NEMP2: variants seen among roughly 807,000 people sequenced by gnomAD.
The protein encoded by NEMP2 is nuclear envelope integral membrane protein 2, also known as UPF0571 transmembrane protein.
NEMP2 carries 53 observed loss-of-function variants against 54.2 expected under a neutral mutation model. That is an observed-to-expected ratio of 0.98 (90% CI 0.78 to 1.23). The LOEUF (loss-of-function observed/expected upper bound fraction) is 1.23. Among genes scored for constraint, NEMP2 ranks in the 50% most tolerant of loss-of-function variants. The probability of loss-of-function intolerance (pLI) is 0.00; values close to 1 mark genes in which losing one functional copy is unlikely to be tolerated. For missense variants in NEMP2, 455 were observed against 511.3 expected, an observed-to-expected ratio of 0.89 and a Z score of 1.06; for synonymous variants, 197 against 190.3, an observed-to-expected ratio of 1.04 and a Z score of -0.29.
the NEMP2 span, among the ~76,000 whole-genome samples, chr2:190,594,725 AC>A: frequency 6.6e-6 from 1 of 152,166 alleles, no homozygotes; most frequent in Admixed American, 6.5e-5. The surrounding 1 kb of genome is among the most constrained non-coding windows in gnomAD (Gnocchi z 5.6). Context: ...GTGCCAGTAC[AC>A]CCGGCTAATA....
intron 1 of NEMP2, among the ~76,000 whole-genome samples, chr2:190,526,065 C>A (rs115731559): frequency 0.011 from 1,725 of 152,260 alleles, 38 homozygotes; most frequent in African/African-American, 0.038. Context: ...AACAATAAGG[C>A]ACTAACAATA....
the NEMP2 span, among the ~76,000 whole-genome samples, chr2:190,454,784 G>T: frequency 2.6e-5 from 4 of 152,164 alleles, no homozygotes; most frequent in Admixed American, 1.3e-4. The surrounding 1 kb of genome is among the most constrained non-coding windows in gnomAD (Gnocchi z 4.6). Flanking sequence ...CCTGAGGCAG[G>T]TATAGAGGGA....
chr2:190,447,556 A>C, the NEMP2 span, among the ~76,000 whole-genome samples: 1 of 152,266 alleles, frequency 6.6e-6, no homozygotes, highest in Non-Finnish European at 1.5e-5. This position sits in a 1 kb window ranked among gnomAD's most constrained non-coding sequence, Gnocchi z 4.5. Context: ...ACATTAAAAA[A>C]TAAATTGCTT....
At chr2:190,552,851 A>G in the NEMP2 span, among the ~76,000 whole-genome samples, 2 of 152,290 alleles carry the variant, frequency 1.3e-5, no homozygotes, top group Admixed American at 6.5e-5. Flanking sequence ...TGTGTTCTCA[A>G]TGTTATAAAA....
upstream of NEMP2, among the ~76,000 whole-genome samples, chr2:190,539,626 T>A (rs1691483584): frequency 6.6e-6 from 1 of 152,150 alleles, no homozygotes; most frequent in South Asian, 2.1e-4. This position sits in a 1 kb window ranked among gnomAD's most constrained non-coding sequence, Gnocchi z 4.1. Context: ...TTACATAGAT[T>A]TTTCACTTCA....
chr2:190,493,523 C>G, the NEMP2 span, among the ~76,000 whole-genome samples: 1 of 152,116 alleles, frequency 6.6e-6, no homozygotes, highest in African/African-American at 2.4e-5. Context: ...TACCCTGGAA[C>G]AAATGAACTT....
chr2:190,586,924 G>A, the NEMP2 span, among the ~76,000 whole-genome samples: 5 of 152,130 alleles, frequency 3.3e-5, no homozygotes, highest in East Asian at 3.9e-4. The surrounding 1 kb of genome is among the most constrained non-coding windows in gnomAD (Gnocchi z 4.5). Context: ...AGAAATTTTC[G>A]GGTTCTTTCT....
At chr2:190,471,867 G>A in the NEMP2 span, among the ~76,000 whole-genome samples, 110 of 152,126 alleles carry the variant, frequency 7.2e-4, 1 homozygote, top group Non-Finnish European at 1.9e-4. The surrounding 1 kb of genome is among the most constrained non-coding windows in gnomAD (Gnocchi z 4.7). Flanking sequence ...TAACTCATAC[G>A]GCCGGGTACC....
the NEMP2 span, among the ~76,000 whole-genome samples, chr2:190,633,438 T>C: frequency 6.6e-6 from 1 of 151,702 alleles, no homozygotes; most frequent in Non-Finnish European, 1.5e-5. Context: ...CTCAGCCTCC[T>C]GAGTAGCTGG....
the NEMP2 span, among the ~76,000 whole-genome samples, chr2:190,594,146 A>G: frequency 1.3e-5 from 2 of 152,156 alleles, no homozygotes; most frequent in African/African-American, 4.8e-5. The surrounding 1 kb of genome is among the most constrained non-coding windows in gnomAD (Gnocchi z 5.6). Context: ...AGTGAGCTTG[A>G]ACTCATCTTG....
chr2:190,550,005 A>G, the NEMP2 span, among the ~76,000 whole-genome samples: 1 of 152,184 alleles, frequency 6.6e-6, no homozygotes, highest in Non-Finnish European at 1.5e-5. The surrounding 1 kb of genome is among the most constrained non-coding windows in gnomAD (Gnocchi z 4.7). Flanking sequence ...AAAATATCTA[A>G]TGATCACACT....
chr2:190,641,370 A>G, the NEMP2 span: 1 of 152,252 alleles, frequency 6.6e-6, no homozygotes, highest in Non-Finnish European at 1.5e-5. Context: ...CTGACAAGTC[A>G]CACACCTTTG....
At chr2:190,549,819 G>T in the NEMP2 span, among the ~76,000 whole-genome samples, 2 of 152,138 alleles carry the variant, frequency 1.3e-5, no homozygotes, top group South Asian at 4.2e-4. Context: ...AAAAAGTCCT[G>T]ATATATTTGA....
chr2:190,489,752 CTGTT>C, the NEMP2 span: 3 of 1,608,594 alleles, frequency 1.9e-6, no homozygotes, highest in East Asian at 2.2e-5. The surrounding 1 kb of genome is among the most constrained non-coding windows in gnomAD (Gnocchi z 6.6). Context: ...CTATAGAGTG[CTGTT>C]TGTTTTTATA....
the NEMP2 span, among the ~76,000 whole-genome samples, chr2:190,432,758 T>C: frequency 2.0e-5 from 3 of 152,212 alleles, no homozygotes; most frequent in Admixed American, 2.0e-4. Context: ...ATAACCTGCA[T>C]TTGTTTGGGG....
At chr2:190,465,186 G>T in the NEMP2 span, among the ~76,000 whole-genome samples, 5 of 152,236 alleles carry the variant, frequency 3.3e-5, no homozygotes, top group South Asian at 8.3e-4. This position sits in a 1 kb window ranked among gnomAD's most constrained non-coding sequence, Gnocchi z 4.6. Context: ...GATAAAAAAC[G>T]AGTGGCAGGT....
chr2:190,496,051 G>T, the NEMP2 span, among the ~76,000 whole-genome samples: 140 of 152,038 alleles, frequency 9.2e-4, no homozygotes, highest in Non-Finnish European at 1.7e-3. The surrounding 1 kb of genome is among the most constrained non-coding windows in gnomAD (Gnocchi z 4.7). Flanking sequence ...AGAGTAAACA[G>T]ACAACCCACA....
the NEMP2 span, among the ~76,000 whole-genome samples, chr2:190,622,295 C>T: frequency 0.039 from 5,884 of 151,106 alleles, 200 homozygotes; most frequent in Non-Finnish European, 0.054. Flanking sequence ...ATAGTCTCAG[C>T]TACTCAGGAG....
the NEMP2 span, among the ~76,000 whole-genome samples, chr2:190,478,804 C>G: frequency 6.7e-6 from 1 of 149,266 alleles, no homozygotes; most frequent in Non-Finnish European, 1.5e-5. Flanking sequence ...TTTTTTGGTT[C>G]CTAGCCAGAA....
Sources: allele counts gnomAD v4.1 joint callset (sites outside exome capture counted in the v4.1 genomes callset), GRCh38; gene constraint gnomAD v4.1.1; non-coding constraint Gnocchi (gnomAD v3.1); transcripts MANE v1.5; gene names NCBI Gene and HGNC (gene_info 2026-07-23, HGNC 2026-07-21).